The following RSPO2 variants were observed in gnomAD, a reference collection of about 807,000 sequenced individuals.
The protein encoded by RSPO2 is R-spondin-2.
In RSPO2, 14 loss-of-function variants were observed where a neutral mutation model predicts 30.9. The ratio of observed to expected loss-of-function variants is 0.45; its 90% CI spans 0.30 to 0.71. The LOEUF (loss-of-function observed/expected upper bound fraction) is 0.71, where lower values mean the gene tolerates loss of function less well. RSPO2 is among the 30% of genes least tolerant of loss of function. The probability of loss-of-function intolerance (pLI) is 0.08; values close to 1 mark genes in which losing one functional copy is unlikely to be tolerated. For synonymous variants in RSPO2, 107 were observed against 96.4 expected (o/e 1.11, Z -0.64); for missense variants, 264 against 301.9 (o/e 0.87, Z 0.93).
chr8:108,080,186 C>T (rs1014628216), intron 2 of RSPO2, among the ~76,000 whole-genome samples: 1 of 152,200 alleles, frequency 6.6e-6, no homozygotes, highest in Admixed American at 6.5e-5. Context: ...GCTACTATCA[C>T]CCTACACTGT....
At chr8:108,069,896 A>AT (rs1254083825) in intron 2 of RSPO2, among the ~76,000 whole-genome samples, 2 of 152,202 alleles carry the variant, frequency 1.3e-5, no homozygotes, top group East Asian at 3.9e-4. Flanking sequence ...GGTGTGCCAG[A>AT]TAGTATTAAT....
At chr8:108,058,119 A>T (rs1367000187) in intron 2 of RSPO2, among the ~76,000 whole-genome samples, 1 of 136,762 alleles carries the variant, frequency 7.3e-6, no homozygotes, top group African/African-American at 3.1e-5. Context: ...GGTGTGTCAT[A>T]GATAGCTCTT....
At chr8:107,916,801 TCA>T (rs750263014) in intron 5 of RSPO2, among the ~76,000 whole-genome samples, 5 of 152,330 alleles carry the variant, frequency 3.3e-5, no homozygotes, top group South Asian at 2.1e-4. Context: ...GGCCAGAATC[TCA>T]GTCCATGTGC....
chr8:108,002,259 C>T (rs1360971588), intron 2 of RSPO2, among the ~76,000 whole-genome samples: 2 of 152,108 alleles, frequency 1.3e-5, no homozygotes, highest in African/African-American at 4.8e-5. Flanking sequence ...AAAACCACCA[C>T]CCTCACATGG....
At chr8:107,954,139 C>T (rs772617653) in intron 5 of RSPO2, among the ~76,000 whole-genome samples, 2 of 152,070 alleles carry the variant, frequency 1.3e-5, no homozygotes, top group Non-Finnish European at 2.9e-5. Flanking sequence ...GCAGGGAGTC[C>T]CACACAGATA....
In RSPO2 at chr8:107,958,219, A is replaced by G; in HGVS notation, c.477T>C (p.Asn159=). ...HWSEWGTCSR[N]NRTCGFKWGL... is the part of the protein sequence containing the mutation. ...CCCATTTAAATCCACATGTGCGATT[A>G]TTTCTGCTACAAGTTCCCCATTCGC... The change falls in exon 5 of 6, where the codon AAT becomes AAC. Residue 159 remains asparagine (N), a synonymous_variant. Transcript: ENST00000276659. The G allele has an allele frequency of 1.2e-6, 2 of 1,613,830 alleles. No homozygotes were observed. The highest frequency in any genetic ancestry group is 1.1e-5 in the South Asian group (1 of 91,076).
Position 107,958,280 on chromosome 8 carries a change from T to C in RSPO2, c.428-12A>G. ...AACTTCACATCCTTCTAGTAAAGAT[T>C]TTTAGAAAAAGAAAAAAAAACACAA... On this transcript the variant is annotated splice_polypyrimidine_tract_variant and intron_variant, in intron 4 of 5. Transcript: ENST00000276659. The C allele has an allele frequency of 6.3e-7, 1 of 1,598,584 alleles. No homozygotes were observed. Among genetic ancestry groups the C allele is most frequent in the Non-Finnish European group, 8.5e-7 (1 of 1,172,584 alleles).
intron 2 of RSPO2, among the ~76,000 whole-genome samples, chr8:107,996,761 A>G (rs1247602812): frequency 2.6e-5 from 4 of 152,208 alleles, no homozygotes; most frequent in African/African-American, 4.8e-5. Context: ...GTTTTTATGT[A>G]TCAGGAGCCA....
chr8:107,934,441 C>T (rs535895007), intron 5 of RSPO2, among the ~76,000 whole-genome samples: 2 of 151,200 alleles, frequency 1.3e-5, no homozygotes, highest in Admixed American at 6.6e-5. Context: ...GGCATGATCT[C>T]GGCTCACTGC....
intron 3 of RSPO2, among the ~76,000 whole-genome samples, chr8:107,968,545 G>A (rs1211800486): frequency 1.3e-5 from 2 of 151,984 alleles, no homozygotes; most frequent in South Asian, 2.1e-4. Context: ...AAAAACTATA[G>A]TTAGTAATCA....
At position 108,000,729 on chromosome 8, in the gene RSPO2, C is replaced by T. The variant is rs144158319; in HGVS notation, c.95-11485G>A. On this transcript the variant is annotated intron_variant, in intron 2 of 5. Coordinates refer to ENST00000276659, the MANE Select transcript of RSPO2 (RefSeq NM_178565.5). ...AAATTCTCCAGGGAACTCCCGGGCACGGTGGCTCATGCCTGTAATCCCAGC... is the reference window on the plus strand; with the variant it reads ...AAATTCTCCAGGGAACTCCCGGGCATGGTGGCTCATGCCTGTAATCCCAGC... Among the ~76,000 whole-genome samples, 71 of 152,068 alleles carry T rather than the reference C, an allele frequency of 4.7e-4. 1 individual carries two copies. The East Asian group carries it at 0.013, about 29-fold the overall frequency.
At chr8:107,954,269 C>A (rs1813341868) in intron 5 of RSPO2, among the ~76,000 whole-genome samples, 1 of 152,140 alleles carries the variant, frequency 6.6e-6, no homozygotes, top group African/African-American at 2.4e-5. Context: ...CAACATAATA[C>A]CTTAGCAATC....
At chr8:108,023,674 A>G (rs1178334559) in intron 2 of RSPO2, among the ~76,000 whole-genome samples, 2 of 152,150 alleles carry the variant, frequency 1.3e-5, no homozygotes, top group Non-Finnish European at 2.9e-5. Context: ...ATATGGCTCT[A>G]CTCATAAATA....
At chr8:107,924,846 AC>A (rs1812305080) in intron 5 of RSPO2, among the ~76,000 whole-genome samples, 2 of 151,746 alleles carry the variant, frequency 1.3e-5, no homozygotes, top group Admixed American at 1.3e-4. Flanking sequence ...ACACACACAC[AC>A]ACAAAATAAG....
chr8:108,064,554 A>G (rs953229124), intron 2 of RSPO2, among the ~76,000 whole-genome samples: 4 of 152,218 alleles, frequency 2.6e-5, no homozygotes, highest in Non-Finnish European at 5.9e-5. Flanking sequence ...GAGAAATAGG[A>G]ACACTTATAC....
intron 2 of RSPO2, among the ~76,000 whole-genome samples, chr8:108,016,861 AC>A (rs1206256835): frequency 6.6e-6 from 1 of 151,872 alleles, no homozygotes; most frequent in African/African-American, 2.4e-5. Flanking sequence ...CTCCCACTTC[AC>A]CTTCCACCAT....
chr8:108,058,836 T>TA (rs1470919667), intron 2 of RSPO2, among the ~76,000 whole-genome samples: 1 of 151,642 alleles, frequency 6.6e-6, no homozygotes, highest in East Asian at 1.9e-4. Flanking sequence ...ACACCTTATA[T>TA]AAAAATTAAT....
intron 2 of RSPO2, among the ~76,000 whole-genome samples, chr8:108,069,458 C>T (rs879502233): frequency 9.9e-5 from 15 of 152,128 alleles, no homozygotes; most frequent in Non-Finnish European, 1.5e-4. Context: ...GTGATCTGCC[C>T]GCCTCGGCCT....
chr8:108,003,315 T>A (rs796164432), intron 2 of RSPO2, among the ~76,000 whole-genome samples: 275 of 9,652 alleles, frequency 0.028, no homozygotes, highest in Non-Finnish European at 0.041. Flanking sequence ...ATATATATTT[T>A]TTTTTTTTTT....
Sources: gnomAD v4.1 joint callset for allele counts (sites outside exome capture counted in the v4.1 genomes callset) on GRCh38, gnomAD v4.1.1 for gene constraint, MANE v1.5 for transcripts, NCBI Gene and HGNC (gene_info 2026-07-23, HGNC 2026-07-21) for gene names.